Variants in DLG2 observed in about 807,000 individuals in gnomAD.
The protein encoded by DLG2 is disks large homolog 2.
In DLG2, 45 loss-of-function variants were observed where a neutral mutation model predicts 132.5. The ratio of observed to expected loss-of-function variants is 0.34; its 90% CI spans 0.27 to 0.44. The LOEUF is 0.44. Among genes scored for constraint, DLG2 ranks in the 20% least tolerant of loss-of-function variants. DLG2 has a pLI of 1.00. For missense variants in DLG2, 1,045 were observed against 1,196.9 expected (o/e 0.87, Z 1.87); for synonymous variants, 424 against 419.6 (o/e 1.01, Z -0.13).
rs2092678537 is a variant in DLG2, at chr11:83,477,041, GTTC to G, written c.2294-4267_2294-4265del. ...CAACACGTTAGTTTCACTCAGATTA[GTTC>G]TTCAAGATCCTTGTTTTGAAAATCC... is the stretch of plus-strand genomic sequence containing the variant. On this transcript the variant is annotated intron_variant, in intron 22 of 27. Transcript: ENST00000376104. 3.3e-5 allele frequency among the ~76,000 whole-genome samples: 5 copies of G among 152,188 alleles called. No individual in the cohort carries two copies. The South Asian group carries it at 1.0e-3, about 32-fold the overall frequency.
intron 17 of DLG2, among the ~76,000 whole-genome samples, chr11:83,800,754 A>T (rs889610547): frequency 2.0e-5 from 3 of 152,332 alleles, no homozygotes; most frequent in South Asian, 2.1e-4. Context: ...TGAAAATAAT[A>T]AAGTATAACT....
chr11:84,764,228 G>A (rs2068062614), intron 6 of DLG2, among the ~76,000 whole-genome samples: 1 of 152,104 alleles, frequency 6.6e-6, no homozygotes, highest in East Asian at 1.9e-4. Context: ...CTGGAGGCAG[G>A]TGGCCAAATG....
At chr11:84,545,437 C>CA (rs1287597145) in intron 6 of DLG2, 1 of 459,720 alleles carries the variant, frequency 2.2e-6, no homozygotes, top group Non-Finnish European at 4.2e-6. Flanking sequence ...AAGATTCCTC[C>CA]ACAATCATAG....
intron 11 of DLG2, among the ~76,000 whole-genome samples, chr11:83,988,207 C>T (rs2093464897): frequency 6.6e-6 from 1 of 152,084 alleles, no homozygotes; most frequent in East Asian, 1.9e-4. Flanking sequence ...GAATTCTTGC[C>T]TGTGCTTATG....
intron 9 of DLG2, among the ~76,000 whole-genome samples, chr11:84,145,504 A>G (rs1421820589): frequency 6.6e-6 from 1 of 152,186 alleles, no homozygotes; most frequent in Non-Finnish European, 1.5e-5. Flanking sequence ...TTATGGGACC[A>G]CTGTTGTATA....
At chr11:83,997,730 CAAAAAAAAAAAAAAAAAAAAAAAAAA>C (rs71066079) in intron 11 of DLG2, among the ~76,000 whole-genome samples, 1 of 24,796 alleles carries the variant, frequency 4.0e-5, no homozygotes. Context: ...GACTCCATCT[CAAAAAAAAAAAAAAAAAAAAAAAAAA>C]AAAAAAAAAA....
intron 19 of DLG2, among the ~76,000 whole-genome samples, chr11:83,594,240 G>T (rs2153342653): frequency 6.6e-6 from 1 of 152,364 alleles, no homozygotes; most frequent in African/African-American, 2.4e-5. Flanking sequence ...TAATGGTGCA[G>T]CTCTAAGATT....
chr11:85,181,611 A>G (rs2079708709), intron 4 of DLG2, among the ~76,000 whole-genome samples: 1 of 151,718 alleles, frequency 6.6e-6, no homozygotes, highest in South Asian at 2.1e-4. Context: ...GCACTCACAA[A>G]TAGGCAGTAA....
At chr11:83,612,491 G>T (rs2060255419) in intron 19 of DLG2, among the ~76,000 whole-genome samples, 2 of 152,118 alleles carry the variant, frequency 1.3e-5, no homozygotes, top group African/African-American at 4.8e-5. Flanking sequence ...AGTGACTTGT[G>T]CAAGATCTTA....
intron 17 of DLG2, among the ~76,000 whole-genome samples, chr11:83,824,664 T>C (rs561213570): frequency 6.6e-6 from 1 of 152,316 alleles, no homozygotes; most frequent in East Asian, 1.9e-4. Flanking sequence ...GCAGGACTTC[T>C]CAGATCTTTC....
intron 6 of DLG2, among the ~76,000 whole-genome samples, chr11:85,099,267 G>A (rs540126459): frequency 1.4e-4 from 22 of 152,250 alleles, no homozygotes; most frequent in South Asian, 6.2e-4. Flanking sequence ...CTTTCGCTGC[G>A]TGGACTACCT....
At chr11:85,319,469 T>A (rs1399016541) in intron 3 of DLG2, among the ~76,000 whole-genome samples, 1 of 151,860 alleles carries the variant, frequency 6.6e-6, no homozygotes, top group African/African-American at 2.4e-5. Context: ...ATTCTAGAAC[T>A]CTTGCTATAT....
chr11:84,055,632 AC>A (rs1350195294), intron 11 of DLG2, among the ~76,000 whole-genome samples: 2 of 151,950 alleles, frequency 1.3e-5, no homozygotes, highest in African/African-American at 4.8e-5. Flanking sequence ...TGCTCTCGAG[AC>A]CCCATTCTTT....
intron 21 of DLG2, among the ~76,000 whole-genome samples, chr11:83,504,318 G>A (rs1240276296): frequency 6.6e-6 from 1 of 152,084 alleles, no homozygotes; most frequent in Non-Finnish European, 1.5e-5. Context: ...AAGGGCCTGG[G>A]CTATCCCTTC....
At chr11:84,230,167 A>AACTTCT (rs2097070990) in intron 8 of DLG2, among the ~76,000 whole-genome samples, 1 of 152,160 alleles carries the variant, frequency 6.6e-6, no homozygotes, top group African/African-American at 2.4e-5. Context: ...TAGAACAGTA[A>AACTTCT]ACTTCTTCAT....
intron 8 of DLG2, among the ~76,000 whole-genome samples, chr11:84,226,348 T>G (rs924286716): frequency 6.6e-6 from 1 of 152,206 alleles, no homozygotes; most frequent in African/African-American, 2.4e-5. Context: ...TGCCAGCATG[T>G]CTAACCACTC....
intron 18 of DLG2, among the ~76,000 whole-genome samples, chr11:83,773,823 T>A (rs796886312): frequency 1.8e-4 from 28 of 152,356 alleles, no homozygotes; most frequent in African/African-American, 6.5e-4. Flanking sequence ...GACACGGCTG[T>A]GAGCAAGACA....
intron 7 of DLG2, among the ~76,000 whole-genome samples, chr11:84,337,969 T>G (rs1293982582): frequency 6.6e-6 from 1 of 151,826 alleles, no homozygotes; most frequent in Admixed American, 6.6e-5. Context: ...GACAGAAAGA[T>G]CAAACAAAAA....
chr11:84,348,849 A>C (rs2098550202), intron 7 of DLG2, among the ~76,000 whole-genome samples: 1 of 152,230 alleles, frequency 6.6e-6, no homozygotes, highest in South Asian at 2.1e-4. Flanking sequence ...TGTGTCTACA[A>C]GCCAAGGAAT....
Sources: allele counts gnomAD v4.1 joint callset (sites outside exome capture counted in the v4.1 genomes callset), GRCh38; gene constraint gnomAD v4.1.1; transcripts MANE v1.5; gene names NCBI Gene and HGNC (gene_info 2026-07-23, HGNC 2026-07-21).